Variants in CDK18 observed in about 807,000 individuals in gnomAD.
CDK18 encodes the protein cyclin-dependent kinase 18.
In CDK18, 52 loss-of-function variants were observed where a neutral mutation model predicts 62.0. The observed-to-expected ratio is 0.84, with a 90% CI of 0.67 to 1.06. The LOEUF (loss-of-function observed/expected upper bound fraction) is 1.06. Ranked by LOEUF, CDK18 falls within the 50% of genes least tolerant of loss-of-function variation. The probability of loss-of-function intolerance (pLI) is 0.00; values close to 1 mark genes in which losing one functional copy is unlikely to be tolerated. For synonymous variants in CDK18, 237 were observed against 247.0 expected, an observed-to-expected ratio of 0.96 and a Z score of 0.38; for missense variants, 604 against 619.9, an observed-to-expected ratio of 0.97 and a Z score of 0.27.
chr1:205,528,292 G>A lies in CDK18; in HGVS notation c.974+124G>A. 1.7e-6 allele frequency: 2 copies of A among 1,174,620 alleles called. No homozygotes were observed. Among genetic ancestry groups the A allele is most frequent in the Non-Finnish European group, 1.2e-6 (1 of 831,320 alleles). The allele number at this position is 1,174,620 out of a possible 1,614,324, so 72.8% of individuals were successfully genotyped here. A position where few individuals can be genotyped will look rare whatever the true frequency, so the allele number is the denominator to read the frequency against. ...AACTTCCTTTGCCTAAAAGCCTTGTGACATCCTGCTGAAATGGATGTTAAA... is the reference window on the plus strand; with the variant it reads ...AACTTCCTTTGCCTAAAAGCCTTGTAACATCCTGCTGAAATGGATGTTAAA... On this transcript the variant is annotated intron_variant, in intron 10 of 15. Transcript: ENST00000429964. The surrounding 1 kb of genome is among the most constrained non-coding windows in gnomAD (Gnocchi z 4.2).
chr1:205,519,451 T>C (rs985692947), intron 1 of CDK18, among the ~76,000 whole-genome samples: 2 of 150,998 alleles, frequency 1.3e-5, no homozygotes, highest in Non-Finnish European at 2.9e-5. Context: ...ACCCTACATC[T>C]GACCTCCATC....
Position 205,523,234 on chromosome 1 carries a change from A to G in CDK18, c.67A>G (p.Ile23Val), listed in dbSNP as rs1334424818. ...FSLSVPRTET[I>V]EESLAEFTEQ... ...CCTGTCAGTGCCCCGCACTGAGACC[A>G]TTGAAGAATCCTTGGCTGAATTCAC... Residue 23 changes from isoleucine to valine, a missense_variant, in exon 2 of 16, where the codon ATT becomes GTT. Ile to Val is a conservative substitution (Grantham distance 29). Transcript: ENST00000429964. 3 of 1,614,032 alleles carry G rather than the reference A, an allele frequency of 1.9e-6. No individual in the cohort carries two copies. Among genetic ancestry groups the G allele is most frequent in the East Asian group, 2.2e-5 (1 of 44,894 alleles).
rs1575079956 is a variant in CDK18, at chr1:205,529,503, C to T, written c.1179-18C>T. The T allele has an allele frequency of 1.9e-6, 3 of 1,608,792 alleles. No individual in the cohort carries two copies. The highest frequency in any genetic ancestry group is 2.5e-6 in the Non-Finnish European group (3 of 1,176,496). On this transcript the variant is annotated intron_variant, in intron 12 of 15. Coordinates refer to ENST00000429964, the MANE Select transcript of CDK18 (RefSeq NM_212502.3). ...TCCCCAATCAGGCACAGCCTGTGTC[C>T]GCGCCTTCTCCTTGCAGGTTGGATA...
chr1:205,528,098 G>A lies in CDK18; in HGVS notation c.904G>A (p.Val302Met). The change falls in exon 10 of 16, where the codon GTG becomes ATG. Residue 302 changes from valine to methionine, a missense_variant. Transcript: ENST00000429964. This position sits in a 1 kb window ranked among gnomAD's most constrained non-coding sequence, Gnocchi z 4.2. ...VPTKTYSNEV[V>M]TLWYRPPDVL... ...CACAAAGACTTACTCCAATGAGGTG[G>A]TGACCCTGTGGTACAGGCCCCCCGA... The A allele has an allele frequency of 5.6e-6, 9 of 1,614,152 alleles. No individual in the cohort carries two copies. Among genetic ancestry groups the A allele is most frequent in the Admixed American group, 1.7e-5 (1 of 60,024 alleles).
chr1:205,532,181 C>G lies in CDK18; in HGVS notation c.*803C>G, dbSNP rs577838322. ...GTTGCCTTAAATTGGCAGGTGGTAC[C>G]GTACTCACTGCCCTTGGAGCTGTGA... is the stretch of plus-strand genomic sequence containing the variant. On this transcript the variant is annotated 3_prime_UTR_variant, in exon 16 of 16. Coordinates refer to ENST00000429964, the MANE Select transcript of CDK18 (RefSeq NM_212502.3). 1 of 152,650 alleles carries G rather than the reference C, an allele frequency of 6.6e-6. No individual in the cohort carries two copies. The highest frequency in any genetic ancestry group is 1.5e-5 in the Non-Finnish European group (1 of 68,092). The allele number at this position is 152,650 out of a possible 1,614,324, so 9.5% of individuals were successfully genotyped here. A position where few individuals can be genotyped will look rare whatever the true frequency, so the allele number is the denominator to read the frequency against.
Position 205,516,432 on chromosome 1 carries a change from T to TA in CDK18, c.-21-6714dup, listed in dbSNP as rs1449039477. ...CTTCAGAAAGTGGGCAGCCACAAGTTACGTCCCCCAACCCCTGCCCCTGGG... is the reference window on the plus strand; with the variant it reads ...CTTCAGAAAGTGGGCAGCCACAAGTTAACGTCCCCCAACCCCTGCCCCTGGG... On this transcript the variant is annotated intron_variant, in intron 1 of 15. Transcript: ENST00000429964. This position sits in a 1 kb window ranked among gnomAD's most constrained non-coding sequence, Gnocchi z 4.8. Among the ~76,000 whole-genome samples, 2 of 152,090 alleles carry TA rather than the reference T, an allele frequency of 1.3e-5. No homozygotes were observed. The highest frequency in any genetic ancestry group is 4.8e-5 in the African/African-American group (2 of 41,390).
In CDK18 at chr1:205,523,171, A is replaced by G. The variant is rs1397147642; in HGVS notation, c.4A>G (p.Ile2Val). The change falls in exon 2 of 16, where the codon ATC becomes GTC. Residue 2 changes from isoleucine to valine, a missense_variant. Physicochemically the swap from Ile to Val is conservative, Grantham distance 29 (BLOSUM62 3). Transcript: ENST00000429964. M[I>V]MNKMKNFKRR... Reference sequence around the variant, plus strand: ...GGACCCGGCTGCCCAGTCCCTCATGATCATGAACAAGATGAAGAACTTTAA... The same window carrying G: ...GGACCCGGCTGCCCAGTCCCTCATGGTCATGAACAAGATGAAGAACTTTAA... The G allele has an allele frequency of 1.2e-6, 2 of 1,609,480 alleles. No individual in the cohort carries two copies. Among genetic ancestry groups the G allele is most frequent in the Non-Finnish European group, 1.7e-6 (2 of 1,177,450 alleles).
At position 205,527,940 on chromosome 1, in the gene CDK18, G is replaced by A. The variant is rs377527922; in HGVS notation, c.853+23G>A. The A allele has an allele frequency of 2.5e-5, 40 of 1,613,812 alleles. No individual in the cohort carries two copies. The highest frequency in any genetic ancestry group is 3.1e-5 in the Non-Finnish European group (37 of 1,179,878). On this transcript the variant is annotated intron_variant, in intron 9 of 15. Coordinates refer to ENST00000429964, the MANE Select transcript of CDK18 (RefSeq NM_212502.3). The surrounding 1 kb of genome is among the most constrained non-coding windows in gnomAD (Gnocchi z 4.1). Reference sequence around the variant, plus strand: ...TTGGTGAGGCTGGGGCTAGGGTGGGGGTCTGACGCTACTGGGGTGCCTCAG... The same window carrying A: ...TTGGTGAGGCTGGGGCTAGGGTGGGAGTCTGACGCTACTGGGGTGCCTCAG...
rs369830464 is a variant in CDK18 at position 205,528,638 on chromosome 1, A to ACTTC, written c.975-361_975-360insCTTC. The ACTTC allele has an allele frequency of 0.088, 24,725 of 281,774 alleles. 1,482 individuals are homozygous for ACTTC. The highest frequency in any genetic ancestry group is 0.26 in the East Asian group (4,073 of 15,582). The allele number at this position is 281,774 out of a possible 1,614,324, so 17.5% of individuals were successfully genotyped here. On this transcript the variant is annotated intron_variant, in intron 10 of 15. Transcript: ENST00000429964. This position sits in a 1 kb window ranked among gnomAD's most constrained non-coding sequence, Gnocchi z 4.2. ...CTCCGCCCCAAGGTTCCCCAGGAGAATGGATTTATGTACTTCTCTTCCAGT... is the reference window on the plus strand; with the variant it reads ...CTCCGCCCCAAGGTTCCCCAGGAGAACTTCTGGATTTATGTACTTCTCTTCCAGT...
chr1:205,532,609 G>A lies in CDK18; in HGVS notation c.*1231G>A, dbSNP rs1315838106. On this transcript the variant is annotated 3_prime_UTR_variant, in exon 16 of 16. Transcript: ENST00000429964. ...GAAGGCTCCCCTCTGTATCCCCCAG[G>A]TCTCCTCAACACTGGGCTGATCCTG... is the stretch of plus-strand genomic sequence containing the variant. 6.6e-6 allele frequency: 1 copy of A among 152,214 alleles called. No individual in the cohort carries two copies. The highest frequency in any genetic ancestry group is 1.5e-5 in the Non-Finnish European group (1 of 68,104). The allele number at this position is 152,214 out of a possible 1,614,324, so 9.4% of individuals were successfully genotyped here.
chr1:205,519,386 C>T (rs1004748033), intron 1 of CDK18, among the ~76,000 whole-genome samples: 7 of 152,096 alleles, frequency 4.6e-5, no homozygotes, highest in African/African-American at 1.4e-4. Context: ...GAGACATCCA[C>T]TCTGCTGTGG....
intron 15 of CDK18, 108 bp downstream of exon 15, chr1:205,530,813 T>C: frequency 1.2e-6 from 1 of 859,112 alleles, no homozygotes; most frequent in South Asian, 1.4e-5. Context: ...GGCTTCCCTT[T>C]GGACTCTTTG....
intron 1 of CDK18, among the ~76,000 whole-genome samples, chr1:205,521,551 GC>G (rs1282367186): frequency 6.6e-6 from 1 of 152,192 alleles, no homozygotes; most frequent in Non-Finnish European, 1.5e-5. Context: ...AGACTTCAGG[GC>G]CCACTGACAG....
chr1:205,531,415 T>C lies in CDK18; in HGVS notation c.*37T>C, dbSNP rs11240507. Reference sequence around the variant, plus strand: ...CTTGCTGTGGCCAAGGGACAAGAGATCACATGGAGCACAAATTCGGGTAGG... The same window carrying C: ...CTTGCTGTGGCCAAGGGACAAGAGACCACATGGAGCACAAATTCGGGTAGG... On this transcript the variant is annotated 3_prime_UTR_variant, in exon 16 of 16. Coordinates refer to ENST00000429964, the MANE Select transcript of CDK18 (RefSeq NM_212502.3). 0.24 allele frequency: 377,925 copies of C among 1,597,686 alleles called. 48,609 individuals are homozygous for C. The highest frequency in any genetic ancestry group is 0.27 in the Non-Finnish European group (309,623 of 1,164,962).
Position 205,527,885 on chromosome 1 carries a change from A to T in CDK18, c.821A>T (p.Asn274Ile). Residue 274 changes from asparagine (N) to isoleucine (I), a missense_variant, in exon 9 of 16, where the codon AAC becomes ATC. Coordinates refer to ENST00000429964, the MANE Select transcript of CDK18 (RefSeq NM_212502.3). This position sits in a 1 kb window ranked among gnomAD's most constrained non-coding sequence, Gnocchi z 4.1. Reference protein sequence around the residue: ...RDLKPQNLLINERGELKLADF... With the variant: ...RDLKPQNLLIIERGELKLADF... Reference sequence around the variant, plus strand: ...CTGAAGCCCCAGAACCTGCTCATCAACGAGAGGGGGGAGCTGAAGCTGGCC... The same window carrying T: ...CTGAAGCCCCAGAACCTGCTCATCATCGAGAGGGGGGAGCTGAAGCTGGCC... 3 of 1,614,126 alleles carry T rather than the reference A, an allele frequency of 1.9e-6. No individual in the cohort carries two copies. The highest frequency in any genetic ancestry group is 2.5e-6 in the Non-Finnish European group (3 of 1,180,012).
intron 1 of CDK18, among the ~76,000 whole-genome samples, chr1:205,518,479 GGCAC>G (rs1338716349): frequency 6.6e-6 from 1 of 152,196 alleles, no homozygotes; most frequent in Non-Finnish European, 1.5e-5. Flanking sequence ...GAGTTTGTTT[GGCAC>G]GCAGTTCAGA....
At chr1:205,523,728 T>G in intron 3 of CDK18, 103 bp downstream of exon 3, 2 of 1,396,648 alleles carry the variant, frequency 1.4e-6, no homozygotes. Context: ...GAGTTCAAAT[T>G]CCACCTCTGC....
chr1:205,524,144 C>T, intron 3 of CDK18, 88 bp from the exon 4 acceptor site: 1 of 1,492,602 alleles, frequency 6.7e-7, no homozygotes. Context: ...GCAGGGAACG[C>T]TAGGTCCAGA....
At chr1:205,521,639 G>A (rs934831096) in intron 1 of CDK18, among the ~76,000 whole-genome samples, 4 of 152,262 alleles carry the variant, frequency 2.6e-5, no homozygotes, top group African/African-American at 9.6e-5. Context: ...ATGAAGGAGA[G>A]CTTGTTCATA....
Sources: gnomAD v4.1 joint callset for allele counts (sites outside exome capture counted in the v4.1 genomes callset) on GRCh38, gnomAD v4.1.1 for gene constraint, Gnocchi (gnomAD v3.1) non-coding constraint, MANE v1.5 for transcripts, NCBI Gene and HGNC (gene_info 2026-07-23, HGNC 2026-07-21) for gene names.